The following DCAF6 variants were observed in gnomAD, a reference collection of about 807,000 sequenced individuals.
DCAF6 encodes DDB1- and CUL4-associated factor 6.
A neutral mutation model predicts 125.1 loss-of-function variants in DCAF6; 54 were observed. The ratio of observed to expected loss-of-function variants is 0.43; its 90% confidence interval spans 0.35 to 0.54. The LOEUF (loss-of-function observed/expected upper bound fraction) is 0.54. DCAF6 is among the 20% of genes least tolerant of loss of function. The pLI is 0.01. For synonymous variants in DCAF6, 371 were observed against 390.4 expected, an observed-to-expected ratio of 0.95 and a Z score of 0.58; for missense variants, 934 against 1,161.7, an observed-to-expected ratio of 0.80 and a Z score of 2.85.
chr1:168,061,363 AGT>A (rs1691573247), intron 17 of DCAF6, among the ~76,000 whole-genome samples: 2 of 152,246 alleles, frequency 1.3e-5, no homozygotes, highest in Admixed American at 6.5e-5. Flanking sequence ...TGAAAGTAGA[AGT>A]ATATAATTGT....
chr1:167,953,125 A>G (rs1674235249), intron 2 of DCAF6, among the ~76,000 whole-genome samples: 1 of 152,170 alleles, frequency 6.6e-6, no homozygotes, highest in Non-Finnish European at 1.5e-5. Flanking sequence ...GTATTAATCT[A>G]ATATATAGTC....
At chr1:168,012,008 A>G (rs1169752261) in intron 10 of DCAF6, among the ~76,000 whole-genome samples, 1 of 152,084 alleles carries the variant, frequency 6.6e-6, no homozygotes, top group Non-Finnish European at 1.5e-5. Context: ...AAACAAGTGG[A>G]AATATTAGGT....
chr1:167,932,902 C>T (rs1670951186), upstream of DCAF6, among the ~76,000 whole-genome samples: 1 of 151,380 alleles, frequency 6.6e-6, no homozygotes, highest in Admixed American at 6.6e-5. Context: ...CACTGGAGTA[C>T]AGCTATGCAA....
chr1:167,907,275 T>C, the DCAF6 span, among the ~76,000 whole-genome samples: 1 of 152,258 alleles, frequency 6.6e-6, no homozygotes, highest in African/African-American at 2.4e-5. Context: ...GTAAACATAA[T>C]GTATTTGTTG....
intron 17 of DCAF6, among the ~76,000 whole-genome samples, chr1:168,055,262 G>A (rs1690498284): frequency 6.8e-6 from 1 of 148,060 alleles, no homozygotes; most frequent in Non-Finnish European, 1.5e-5. Context: ...AGATGGTGGT[G>A]AGGATAGCTA....
upstream of DCAF6, chr1:167,936,071 C>T (rs1671170986): frequency 1.7e-6 from 1 of 576,248 alleles, no homozygotes; most frequent in South Asian, 2.0e-5. Context: ...CCCGGTCCGC[C>T]TCCGGCCCCC....
At chr1:167,878,778 C>A in the DCAF6 span, 1 of 846,786 alleles carries the variant, frequency 1.2e-6, no homozygotes, top group South Asian at 1.6e-5. Flanking sequence ...AGTCTCAAGA[C>A]CCATATTCAG....
intron 7 of DCAF6, among the ~76,000 whole-genome samples, chr1:167,994,015 CTAA>C (rs1169183550): frequency 6.6e-6 from 1 of 151,536 alleles, no homozygotes; most frequent in African/African-American, 2.4e-5. Context: ...TAATTAGTTA[CTAA>C]TAATTTGTAA....
At chr1:167,949,591 A>T (rs1029930388) in intron 1 of DCAF6, among the ~76,000 whole-genome samples, 4 of 152,144 alleles carry the variant, frequency 2.6e-5, no homozygotes, top group Admixed American at 2.6e-4. Context: ...TCCCTATGAG[A>T]CTTGGATTAC....
At chr1:167,928,144 C>T in the DCAF6 span, among the ~76,000 whole-genome samples, 2 of 151,968 alleles carry the variant, frequency 1.3e-5, no homozygotes, top group African/African-American at 2.4e-5. Context: ...GTCAGAAGAT[C>T]GAGACCATCC....
At chr1:167,880,153 C>T in the DCAF6 span, 5 of 1,613,540 alleles carry the variant, frequency 3.1e-6, no homozygotes, top group Non-Finnish European at 4.2e-6. Context: ...AACGATCCCA[C>T]AGAAGACAAT....
chr1:168,051,502 C>T (rs971180233), intron 17 of DCAF6, among the ~76,000 whole-genome samples: 1 of 152,132 alleles, frequency 6.6e-6, no homozygotes, highest in African/African-American at 2.4e-5. Context: ...TTAAAGTGAA[C>T]CTCAATGACA....
At chr1:168,042,109 A>T (rs1008742483) in intron 13 of DCAF6, among the ~76,000 whole-genome samples, 1 of 152,002 alleles carries the variant, frequency 6.6e-6, no homozygotes, top group Non-Finnish European at 1.5e-5. Context: ...TGACTTCTGC[A>T]GTCAGCCTAA....
intron 4 of DCAF6, among the ~76,000 whole-genome samples, chr1:167,976,929 G>A (rs564676927): frequency 1.2e-5 from 1 of 81,740 alleles, no homozygotes; most frequent in South Asian, 4.5e-4. Context: ...TTGAGACGGA[G>A]TTTCGCTCTT....
At chr1:167,941,098 T>C (rs1672164633) in intron 1 of DCAF6, among the ~76,000 whole-genome samples, 1 of 152,232 alleles carries the variant, frequency 6.6e-6, no homozygotes, top group African/African-American at 2.4e-5. Context: ...ATATGAAGAT[T>C]AGTAACTTCT....
At chr1:167,996,610 C>T (rs1455420334) in intron 7 of DCAF6, among the ~76,000 whole-genome samples, 1 of 152,210 alleles carries the variant, frequency 6.6e-6, no homozygotes, top group African/African-American at 2.4e-5. Context: ...TTCTCATCAA[C>T]ATTCTAAGTG....
upstream of DCAF6, among the ~76,000 whole-genome samples, chr1:167,931,385 A>T (rs1229365222): frequency 6.6e-6 from 1 of 152,136 alleles, no homozygotes; most frequent in Non-Finnish European, 1.5e-5. Flanking sequence ...TTGGTAGCTG[A>T]TTGTTTGAAG....
chr1:168,009,513 TCCTTCTTTCCTCCATC>T (rs1489795147), intron 10 of DCAF6, among the ~76,000 whole-genome samples: 1 of 147,820 alleles, frequency 6.8e-6, no homozygotes, highest in African/African-American at 2.5e-5. Context: ...CTTCCTTCCT[TCCTTCTTTCCTCCATC>T]CCTTCTTTCC....
At chr1:167,893,940 G>A in the DCAF6 span, 1 of 1,612,434 alleles carries the variant, frequency 6.2e-7, no homozygotes, top group South Asian at 1.1e-5. Flanking sequence ...GCCTCAGGAG[G>A]TCTAAGAAGG....
Sources: gnomAD v4.1 joint callset for allele counts (sites outside exome capture counted in the v4.1 genomes callset) on GRCh38, gnomAD v4.1.1 for gene constraint, MANE v1.5 for transcripts, NCBI Gene and HGNC (gene_info 2026-07-23, HGNC 2026-07-21) for gene names.